Variants in RFC5 observed in about 807,000 individuals in gnomAD.
RFC5 encodes A1 36 kDa subunit.
RFC5 carries 26 observed loss-of-function variants against 44.3 expected under a neutral mutation model. The ratio of observed to expected loss-of-function variants is 0.59; its 90% CI spans 0.43 to 0.81. The LOEUF (loss-of-function observed/expected upper bound fraction) is 0.81. RFC5 is among the 40% of genes least tolerant of loss of function. The probability of loss-of-function intolerance (pLI) is 0.00; values close to 1 mark genes in which losing one functional copy is unlikely to be tolerated. For synonymous variants in RFC5, 155 were observed against 155.2 expected, an observed-to-expected ratio of 1.00 and a Z score of 0.01; for missense variants, 328 against 418.6, an observed-to-expected ratio of 0.78 and a Z score of 1.89.
chr12:118,040,797 C>T, the RFC5 span, among the ~76,000 whole-genome samples: 2 of 152,164 alleles, frequency 1.3e-5, no homozygotes, highest in African/African-American at 4.8e-5. Context: ...CCTGTAATCC[C>T]AGCACTTTAG....
chr12:118,019,018 A>C lies in RFC5; in HGVS notation c.66-54A>C. The C allele has an allele frequency of 7.5e-7, 1 of 1,340,478 alleles. No homozygotes were observed. The highest frequency in any genetic ancestry group is 1.7e-5 in the Admixed American group (1 of 59,498). 83.0% of individuals were successfully genotyped at this position (1,340,478 alleles called of 1,614,324 possible). On this transcript the variant is annotated intron_variant, in intron 1 of 10. Transcript: ENST00000454402. This position sits in a 1 kb window ranked among gnomAD's most constrained non-coding sequence, Gnocchi z 4.2. Reference sequence around the variant, plus strand: ...CTGACCTGCAAGGATTCTTTTGCACATAAAATATTCTTGCATTTATATATG... The same window carrying C: ...CTGACCTGCAAGGATTCTTTTGCACCTAAAATATTCTTGCATTTATATATG...
chr12:118,035,044 G>A (rs759983078), downstream of RFC5: 7 of 1,614,062 alleles, frequency 4.3e-6, no homozygotes, highest in South Asian at 4.4e-5. Flanking sequence ...TTGGTCATAG[G>A]AGCAAATGCA....
intron 9 of RFC5, among the ~76,000 whole-genome samples, chr12:118,028,963 C>T (rs1566129542): frequency 1.3e-5 from 2 of 152,238 alleles, no homozygotes; most frequent in African/African-American, 4.8e-5. Flanking sequence ...TTAACCGGGT[C>T]AATGAATGTT....
At position 118,029,702 on chromosome 12, in the gene RFC5, C is replaced by A. The variant is rs993751621; in HGVS notation, c.872-69C>A. The A allele has an allele frequency of 8.8e-6, 9 of 1,023,462 alleles. No individual in the cohort carries two copies. In the African/African-American group the frequency reaches 1.4e-4, roughly 16 times the overall value. The allele number at this position is 1,023,462 out of a possible 1,614,324, so 63.4% of individuals were successfully genotyped here. A position where few individuals can be genotyped will look rare whatever the true frequency, so the allele number is the denominator to read the frequency against. On this transcript the variant is annotated intron_variant, in intron 9 of 10. Coordinates refer to ENST00000454402, the MANE Select transcript of RFC5 (RefSeq NM_007370.7). Reference sequence around the variant, plus strand: ...GTGTTAAGGATTTCATGTTGAAACTCATTTGTCCTCTGTGGGTTTTTTGAC... The same window carrying A: ...GTGTTAAGGATTTCATGTTGAAACTAATTTGTCCTCTGTGGGTTTTTTGAC...
intron 9 of RFC5, among the ~76,000 whole-genome samples, chr12:118,028,536 A>C (rs1033408462): frequency 6.6e-6 from 1 of 151,700 alleles, no homozygotes; most frequent in African/African-American, 2.4e-5. Flanking sequence ...ACCCTCTTTT[A>C]ATATCTAGAA....
At chr12:118,037,560 C>T (rs907656220), downstream of RFC5, among the ~76,000 whole-genome samples, 3 of 150,940 alleles carry the variant, frequency 2.0e-5, no homozygotes, top group East Asian at 2.0e-4. Flanking sequence ...CCCAGCTACT[C>T]GGGAGGCTGA....
the RFC5 span, chr12:118,038,217 TCA>T: frequency 4.2e-6 from 6 of 1,445,242 alleles, no homozygotes; most frequent in Non-Finnish European, 5.6e-6. Flanking sequence ...TTGAGAACAC[TCA>T]CACACACCAG....
intron 10 of RFC5, among the ~76,000 whole-genome samples, chr12:118,030,678 G>A (rs961966596): frequency 6.6e-6 from 1 of 152,090 alleles, no homozygotes; most frequent in Non-Finnish European, 1.5e-5. Context: ...CCACTCTGTC[G>A]CCCAGGCTGG....
At chr12:118,024,144 A>T (rs149772393) in intron 5 of RFC5, among the ~76,000 whole-genome samples, 1 of 152,004 alleles carries the variant, frequency 6.6e-6, no homozygotes, top group African/African-American at 2.4e-5. Flanking sequence ...GATCGAGACC[A>T]TCCTGGCTAA....
intron 5 of RFC5, among the ~76,000 whole-genome samples, chr12:118,024,198 G>A (rs923193907): frequency 2.6e-5 from 4 of 151,920 alleles, no homozygotes; most frequent in Admixed American, 6.5e-5. Flanking sequence ...AAAATTAGCC[G>A]GGCGTGGTGG....
downstream of RFC5, chr12:118,033,651 T>C (rs1566134146): frequency 1.3e-5 from 2 of 151,750 alleles, no homozygotes; most frequent in East Asian, 3.9e-4. Context: ...TCATACCAAA[T>C]GGCTCCAGGA....
intron 4 of RFC5, among the ~76,000 whole-genome samples, chr12:118,021,314 C>T (rs5745820): frequency 0.12 from 18,189 of 151,614 alleles, 1,355 homozygotes; most frequent in South Asian, 0.17. Flanking sequence ...TGGGTTCAAG[C>T]GATCTTCCAG....
chr12:118,035,619 C>A, downstream of RFC5: 1 of 332,112 alleles, frequency 3.0e-6, no homozygotes, highest in East Asian at 6.2e-5. Flanking sequence ...CTTTTTTAGG[C>A]TAAGATACAT....
At chr12:118,021,338 A>C (rs1276191159) in intron 4 of RFC5, among the ~76,000 whole-genome samples, 2 of 151,960 alleles carry the variant, frequency 1.3e-5, no homozygotes, top group African/African-American at 4.8e-5. Flanking sequence ...CAGCCTCCTA[A>C]GTAGCTGGGA....
the RFC5 span, chr12:118,038,351 C>G: frequency 6.2e-7 from 1 of 1,614,118 alleles, no homozygotes; most frequent in Non-Finnish European, 8.5e-7. Flanking sequence ...AGCAGTAAAC[C>G]CACTGCAGGT....
chr12:118,027,950 T>TA lies in RFC5; in HGVS notation c.794-2dup. The TA allele has an allele frequency of 1.3e-6, 2 of 1,592,988 alleles. No individual in the cohort carries two copies. Among genetic ancestry groups the TA allele is most frequent in the Non-Finnish European group, 1.7e-6 (2 of 1,161,022 alleles). On this transcript the variant is annotated splice_polypyrimidine_tract_variant and splice_region_variant and intron_variant, in intron 8 of 10. Transcript: ENST00000454402. ...GTTCCCTTTGCCTTAACTGCTCCTC[T>TA]AGATATTACAGAGTTGAAAACTCTG...
At chr12:118,021,660 A>C (rs1268312019) in intron 4 of RFC5, among the ~76,000 whole-genome samples, 1 of 151,890 alleles carries the variant, frequency 6.6e-6, no homozygotes, top group Non-Finnish European at 1.5e-5. Context: ...AAAAGAAAGA[A>C]AGAAAAAGGG....
At position 118,029,793 on chromosome 12, in the gene RFC5, A is replaced by G. The variant is rs2031195543; in HGVS notation, c.894A>G (p.Arg298=). ...CAGTTGACTTTCCATCTTCAGTTCG[A>G]ATACATTTATTGACCAAAATGGCAG... ...VHRVDFPSSV[R]IHLLTKMADI... Residue 298 remains arginine (R), a synonymous_variant, in exon 10 of 11, where the codon CGA becomes CGG. Coordinates refer to ENST00000454402, the MANE Select transcript of RFC5 (RefSeq NM_007370.7). 3 of 1,610,514 alleles carry G rather than the reference A, an allele frequency of 1.9e-6. No homozygotes were observed. Among genetic ancestry groups the G allele is most frequent in the Non-Finnish European group, 2.5e-6 (3 of 1,176,720 alleles).
chr12:118,034,593 C>CTCTCTCTCTCTCTCTCTT, downstream of RFC5: 1 of 541,842 alleles, frequency 1.8e-6, no homozygotes, highest in Non-Finnish European at 3.2e-6. Context: ...GTCTCTCTCT[C>CTCTCTCTCTCTCTCTCTT]GGCACAGCCC....
Sources: gnomAD v4.1 joint callset for allele counts (sites outside exome capture counted in the v4.1 genomes callset) on GRCh38, gnomAD v4.1.1 for gene constraint, Gnocchi (gnomAD v3.1) non-coding constraint, MANE v1.5 for transcripts, NCBI Gene and HGNC (gene_info 2026-07-23, HGNC 2026-07-21) for gene names.